BAZ2B: variants seen among roughly 807,000 people sequenced by gnomAD.
The protein encoded by BAZ2B is bromodomain adjacent to zinc finger domain protein 2B.
In BAZ2B, 91 loss-of-function variants were observed where a neutral mutation model predicts 246.0. The ratio of observed to expected loss-of-function variants is 0.37; its 90% CI spans 0.31 to 0.44. BAZ2B has a LOEUF of 0.44. Among genes scored for constraint, BAZ2B ranks in the 20% least tolerant of loss-of-function variants. The pLI is 1.00. For synonymous variants in BAZ2B, 855 were observed against 860.0 expected, an observed-to-expected ratio of 0.99 and a Z score of 0.10; for missense variants, 2,332 against 2,533.7, an observed-to-expected ratio of 0.92 and a Z score of 1.71.
At chr2:159,626,289 T>A in the BAZ2B span, among the ~76,000 whole-genome samples, 5 of 151,910 alleles carry the variant, frequency 3.3e-5, no homozygotes, top group Non-Finnish European at 5.9e-5. Context: ...AAATTAAGAA[T>A]ATTCAGGACT....
chr2:159,704,915 A>G, the BAZ2B span, among the ~76,000 whole-genome samples: 1 of 151,656 alleles, frequency 6.6e-6, no homozygotes, highest in Non-Finnish European at 1.5e-5. Context: ...TGTTAGCCAG[A>G]ATGGTCTTGA....
At chr2:159,635,611 T>C in the BAZ2B span, among the ~76,000 whole-genome samples, 1 of 151,940 alleles carries the variant, frequency 6.6e-6, no homozygotes, top group African/African-American at 2.4e-5. Context: ...TTGTTTCTTT[T>C]TTTTTTTTCT....
the BAZ2B span, among the ~76,000 whole-genome samples, chr2:159,688,508 T>G: frequency 6.6e-6 from 1 of 152,210 alleles, no homozygotes; most frequent in Non-Finnish European, 1.5e-5. Flanking sequence ...AAAAGTACAT[T>G]TATCAAAATA....
chr2:159,344,045 A>G (rs1018517212), intron 31 of BAZ2B, among the ~76,000 whole-genome samples: 10 of 142,500 alleles, frequency 7.0e-5, no homozygotes, highest in Non-Finnish European at 1.4e-4. Flanking sequence ...AAAAAAAAAA[A>G]GAAAAAAAAA....
intron 1 of BAZ2B, among the ~76,000 whole-genome samples, chr2:159,579,647 C>T (rs532808688): frequency 1.4e-4 from 21 of 152,158 alleles, no homozygotes; most frequent in Non-Finnish European, 2.9e-4. Context: ...ACCAATATCC[C>T]TGATGAACAT....
downstream of BAZ2B, among the ~76,000 whole-genome samples, chr2:159,318,684 C>T (rs2062365239): frequency 1.3e-5 from 2 of 152,140 alleles, no homozygotes; most frequent in African/African-American, 4.8e-5. Flanking sequence ...TATTTGGCTA[C>T]CCATAGAGGC....
At chr2:159,374,453 A>G (rs913328319) in intron 26 of BAZ2B, among the ~76,000 whole-genome samples, 1 of 152,178 alleles carries the variant, frequency 6.6e-6, no homozygotes, top group Non-Finnish European at 1.5e-5. Flanking sequence ...GTTCAATATC[A>G]CGTTTTAAGA....
intron 36 of BAZ2B, chr2:159,321,776 G>A (rs2062745881): frequency 1.3e-5 from 2 of 152,130 alleles, no homozygotes; most frequent in Admixed American, 1.3e-4. Context: ...GTGGGGAGGT[G>A]GGGATAGTTA....
the BAZ2B span, among the ~76,000 whole-genome samples, chr2:159,703,679 G>A: frequency 1.3e-5 from 2 of 152,066 alleles, no homozygotes; most frequent in Non-Finnish European, 2.9e-5. Context: ...AGCCCAGGAG[G>A]TCAAGACCAG....
Position 159,465,913 on chromosome 2 carries a change from CA to C in BAZ2B, c.146-12113del, listed in dbSNP as rs545496023. 6.3e-3 allele frequency among the ~76,000 whole-genome samples: 817 copies of C among 129,360 alleles called. 4 individuals carry two copies. Among genetic ancestry groups the C allele is most frequent in the African/African-American group, 0.017 (611 of 35,698 alleles). The allele number at this position is 129,360 out of a possible 152,430, so 84.9% of individuals were successfully genotyped here. A position where few individuals can be genotyped will look rare whatever the true frequency, so the allele number is the denominator to read the frequency against. ...TGGACAACAGAGTGAGACCCTGTCT[CA>C]AAAAAAAAAAAAATTCAAGAGACTT... On this transcript the variant is annotated intron_variant, in intron 3 of 36. Coordinates refer to ENST00000392783, the MANE Select transcript of BAZ2B (RefSeq NM_013450.4).
chr2:159,446,505 T>G (rs1294600640), intron 6 of BAZ2B, among the ~76,000 whole-genome samples: 1 of 152,242 alleles, frequency 6.6e-6, no homozygotes, highest in Non-Finnish European at 1.5e-5. Flanking sequence ...CCATTTGTAA[T>G]AACAGTAGCT....
At chr2:159,327,082 G>A (rs376824303) in intron 34 of BAZ2B, among the ~76,000 whole-genome samples, 6 of 135,620 alleles carry the variant, frequency 4.4e-5, no homozygotes, top group South Asian at 2.2e-4. Context: ...AGGCAGTCTC[G>A]CTCTGTTGCC....
chr2:159,446,746 A>T, intron 6 of BAZ2B, 36 bp downstream of exon 6: 1 of 1,511,940 alleles, frequency 6.6e-7, no homozygotes, highest in Non-Finnish European at 8.9e-7. Flanking sequence ...TTATATATAG[A>T]TCTGTTATAT....
intron 1 of BAZ2B, among the ~76,000 whole-genome samples, chr2:159,567,663 C>T (rs886796592): frequency 1.3e-5 from 2 of 152,076 alleles, no homozygotes; most frequent in Admixed American, 6.6e-5. Context: ...TCAGGTATTC[C>T]TCCCTAAAAT....
chr2:159,652,303 G>T, the BAZ2B span, among the ~76,000 whole-genome samples: 1 of 151,272 alleles, frequency 6.6e-6, no homozygotes, highest in Non-Finnish European at 1.5e-5. Flanking sequence ...TCCACCTCCC[G>T]GATTCAAGTG....
At chr2:159,475,664 GCT>G (rs1254969385) in intron 3 of BAZ2B, among the ~76,000 whole-genome samples, 1 of 152,046 alleles carries the variant, frequency 6.6e-6, no homozygotes, top group Non-Finnish European at 1.5e-5. Flanking sequence ...GCCCTTTTGC[GCT>G]GGTTTTTCCT....
chr2:159,567,733 G>A (rs1341775683), intron 1 of BAZ2B, among the ~76,000 whole-genome samples: 1 of 152,138 alleles, frequency 6.6e-6, no homozygotes, highest in African/African-American at 2.4e-5. Flanking sequence ...TAGCACTTCA[G>A]GAGGCTGCAG....
intron 31 of BAZ2B, among the ~76,000 whole-genome samples, chr2:159,337,985 A>G (rs751241978): frequency 1.5e-4 from 23 of 152,208 alleles, no homozygotes; most frequent in Non-Finnish European, 5.9e-5. Flanking sequence ...AAATTTATAA[A>G]CTTTTGATAT....
intron 2 of BAZ2B, among the ~76,000 whole-genome samples, chr2:159,499,505 C>T (rs531713423): frequency 1.5e-4 from 23 of 152,234 alleles, no homozygotes; most frequent in Admixed American, 1.2e-3. Context: ...TATCTTTATA[C>T]TAGAATGATT....
Sources: gnomAD v4.1 joint callset for allele counts (sites outside exome capture counted in the v4.1 genomes callset) on GRCh38, gnomAD v4.1.1 for gene constraint, MANE v1.5 for transcripts, NCBI Gene and HGNC (gene_info 2026-07-23, HGNC 2026-07-21) for gene names.